The following EYS variants were observed in gnomAD, a reference collection of about 807,000 sequenced individuals.
EYS encodes the protein protein eyes shut homolog.
Under a neutral mutation model 282.1 loss-of-function variants are expected in EYS, and 250 were observed. The ratio of observed to expected loss-of-function variants is 0.89; its 90% confidence interval spans 0.80 to 0.98. The LOEUF (loss-of-function observed/expected upper bound fraction) is 0.98. Among genes scored for constraint, EYS ranks in the 50% least tolerant of loss-of-function variants. The pLI, the probability that EYS is intolerant of heterozygous loss-of-function variation, is 0.00. For missense variants in EYS, 4,016 were observed against 3,709.0 expected (o/e 1.08, Z -2.15); for synonymous variants, 1,355 against 1,282.9 (o/e 1.06, Z -1.20).
At chr6:65,023,623 A>T (rs1290073187) in intron 13 of EYS, among the ~76,000 whole-genome samples, 1 of 152,252 alleles carries the variant, frequency 6.6e-6, no homozygotes, top group African/African-American at 2.4e-5. Flanking sequence ...ATTTTTTAAT[A>T]GTCTCTCTTT....
At position 64,447,578 on chromosome 6, in the gene EYS, G is replaced by T. The variant is rs553930947; in HGVS notation, c.5645-8226C>A. Among the ~76,000 whole-genome samples, 6 of 151,936 alleles carry T rather than the reference G, an allele frequency of 3.9e-5. No individual in the cohort carries two copies. In the South Asian group the frequency reaches 1.2e-3, roughly 31 times the overall value. On this transcript the variant is annotated intron_variant, in intron 26 of 42. Transcript: ENST00000503581. ...AAATTCATTAGTACCTTGATCAAAA[G>T]TCACTAATTTATATAAAGCATATTT...
intron 30 of EYS, among the ~76,000 whole-genome samples, chr6:64,274,473 G>A (rs1389927209): frequency 1.6e-5 from 2 of 127,442 alleles, no homozygotes; most frequent in African/African-American, 4.1e-5. Flanking sequence ...GAGCCACCAC[G>A]CCTGGCCGTT....
intron 30 of EYS, among the ~76,000 whole-genome samples, chr6:64,297,256 CCCA>C (rs567741465): frequency 4.5e-4 from 68 of 152,254 alleles, no homozygotes; most frequent in African/African-American, 1.6e-3. Flanking sequence ...GTTGTTACTC[CCCA>C]CCACCTTGAA....
At chr6:65,213,350 T>C (rs982831981) in intron 12 of EYS, among the ~76,000 whole-genome samples, 4 of 152,202 alleles carry the variant, frequency 2.6e-5, no homozygotes, top group African/African-American at 9.6e-5. Context: ...AAAACGTTCC[T>C]TTGTTTTTAC....
intron 19 of EYS, among the ~76,000 whole-genome samples, chr6:64,863,213 C>G (rs1256322275): frequency 6.6e-6 from 1 of 152,134 alleles, no homozygotes; most frequent in East Asian, 1.9e-4. Flanking sequence ...ATGCATTGTA[C>G]TATTACTTTC....
chr6:64,262,446 G>A (rs1041979452), intron 30 of EYS, among the ~76,000 whole-genome samples: 18 of 151,368 alleles, frequency 1.2e-4, no homozygotes, highest in Non-Finnish European at 1.8e-4. Context: ...TTCATTATTA[G>A]CACTACTCCT....
chr6:63,999,008 T>TA (rs1767959913), intron 34 of EYS, 67 bp downstream of exon 34: 2 of 988,328 alleles, frequency 2.0e-6, no homozygotes. Flanking sequence ...CTTAGTAACA[T>TA]AAAAAATACT....
intron 26 of EYS, among the ~76,000 whole-genome samples, chr6:64,474,736 A>G (rs911173303): frequency 3.9e-5 from 6 of 152,242 alleles, no homozygotes; most frequent in Non-Finnish European, 7.3e-5. Context: ...GAAGAACAAT[A>G]CAGTATATTT....
chr6:64,000,977 T>C (rs967075), intron 33 of EYS, among the ~76,000 whole-genome samples: 45,566 of 151,986 alleles, frequency 0.3, 7,120 homozygotes, highest in Middle Eastern at 0.38. Flanking sequence ...CAAAAAAAAC[T>C]CTATAAACAA....
intron 22 of EYS, among the ~76,000 whole-genome samples, chr6:64,726,873 C>T (rs1771774648): frequency 6.6e-6 from 1 of 152,130 alleles, no homozygotes; most frequent in Non-Finnish European, 1.5e-5. Context: ...TCAAAACAGA[C>T]TTACAAATGA....
chr6:64,861,208 C>G (rs980490450), intron 19 of EYS, among the ~76,000 whole-genome samples: 2 of 152,212 alleles, frequency 1.3e-5, no homozygotes, highest in African/African-American at 4.8e-5. Context: ...CTCAGATTCC[C>G]TCCCATGCTC....
intron 31 of EYS, among the ~76,000 whole-genome samples, chr6:64,139,980 A>G (rs1273910150): frequency 7.3e-6 from 1 of 136,592 alleles, no homozygotes; most frequent in Admixed American, 6.9e-5. Context: ...TAAATAAATA[A>G]ATAAATAAAT....
At chr6:63,856,695 T>C (rs1772400864) in intron 36 of EYS, among the ~76,000 whole-genome samples, 1 of 152,210 alleles carries the variant, frequency 6.6e-6, no homozygotes, top group African/African-American at 2.4e-5. Flanking sequence ...TATCTTTTCT[T>C]ATTATTTTGC....
chr6:64,411,101 T>C (rs1773875092), intron 28 of EYS, among the ~76,000 whole-genome samples: 1 of 152,082 alleles, frequency 6.6e-6, no homozygotes, highest in Non-Finnish European at 1.5e-5. Flanking sequence ...AAACACTGAA[T>C]CTTCCTTAAA....
At chr6:64,293,687 A>G (rs1469951816) in intron 30 of EYS, among the ~76,000 whole-genome samples, 3 of 152,102 alleles carry the variant, frequency 2.0e-5, no homozygotes, top group Non-Finnish European at 4.4e-5. Flanking sequence ...GTATTTTTTA[A>G]AATTATCCAT....
intron 26 of EYS, among the ~76,000 whole-genome samples, chr6:64,461,342 T>C (rs117649254): frequency 0.016 from 2,414 of 152,250 alleles, 23 homozygotes; most frequent in East Asian, 0.038. Context: ...GATTATATTG[T>C]GGAGAAAGGA....
intron 36 of EYS, among the ~76,000 whole-genome samples, chr6:63,839,154 A>T (rs1581877458): frequency 2.0e-5 from 3 of 152,182 alleles, no homozygotes; most frequent in Non-Finnish European, 4.4e-5. Flanking sequence ...GAATGCTAGA[A>T]CTTTTCTCTG....
chr6:65,318,315 G>T (rs1399869747), intron 11 of EYS, among the ~76,000 whole-genome samples: 1 of 151,798 alleles, frequency 6.6e-6, no homozygotes, highest in Admixed American at 6.6e-5. Flanking sequence ...CAAAGAGACA[G>T]AGAGAACAAG....
chr6:64,949,684 T>C (rs1030300627), intron 14 of EYS, among the ~76,000 whole-genome samples: 2 of 151,898 alleles, frequency 1.3e-5, no homozygotes, highest in Non-Finnish European at 2.9e-5. Context: ...CAGGTTTCAC[T>C]CACACCCAAG....
Sources: gnomAD v4.1 joint callset for allele counts (sites outside exome capture counted in the v4.1 genomes callset) on GRCh38, gnomAD v4.1.1 for gene constraint, MANE v1.5 for transcripts, NCBI Gene and HGNC (gene_info 2026-07-23, HGNC 2026-07-21) for gene names.